Variants in MIER1 observed in about 807,000 individuals in gnomAD.
MIER1 encodes the protein MIER1 transcriptional regulator.
Under a neutral mutation model 75.7 loss-of-function variants are expected in MIER1, and 40 were observed. That is an observed-to-expected ratio of 0.53 (90% CI 0.41 to 0.69). The LOEUF (loss-of-function observed/expected upper bound fraction) is 0.69. MIER1 is among the 30% of genes least tolerant of loss of function. The pLI, the probability that MIER1 is intolerant of heterozygous loss-of-function variation, is 0.00. For synonymous variants in MIER1, 213 were observed against 223.4 expected (o/e 0.95, Z 0.42); for missense variants, 574 against 680.2 (o/e 0.84, Z 1.74).
At chr1:66,928,788 A>T in intron 2 of MIER1, 2 of 626,268 alleles carry the variant, frequency 3.2e-6, no homozygotes, top group Non-Finnish European at 5.3e-6. Context: ...TAAAAAATAA[A>T]ATGAAAATAC....
At chr1:66,982,835 G>A (rs191954232) in intron 13 of MIER1, among the ~76,000 whole-genome samples, 2 of 152,270 alleles carry the variant, frequency 1.3e-5, no homozygotes, top group Non-Finnish European at 1.5e-5. Flanking sequence ...ACAAAACTTA[G>A]GGCCCAGTAA....
At chr1:66,933,708 T>C (rs753330444) in intron 2 of MIER1, among the ~76,000 whole-genome samples, 31 of 152,204 alleles carry the variant, frequency 2.0e-4, no homozygotes, top group Admixed American at 5.2e-4. Flanking sequence ...TTCAGAGCTA[T>C]TAAGATTTTA....
chr1:66,925,196 C>G, intron 1 of MIER1, 101 bp downstream of exon 1: 3 of 1,454,412 alleles, frequency 2.1e-6, no homozygotes, highest in Non-Finnish European at 2.7e-6. Flanking sequence ...TCCCCTCCCC[C>G]ACGGCAGTGT....
intron 10 of MIER1, among the ~76,000 whole-genome samples, chr1:66,972,338 C>A (rs1004104217): frequency 2.7e-5 from 4 of 149,464 alleles, no homozygotes; most frequent in African/African-American, 9.9e-5. Context: ...TAACTATAAA[C>A]AAAGTCCCTT....
At chr1:66,943,770 C>T (rs1243041514) in intron 3 of MIER1, among the ~76,000 whole-genome samples, 1 of 152,132 alleles carries the variant, frequency 6.6e-6, no homozygotes, top group Non-Finnish European at 1.5e-5. Context: ...ATGTTAAGTG[C>T]TTTGCCATGT....
At chr1:66,941,496 T>C (rs1656207220) in intron 3 of MIER1, among the ~76,000 whole-genome samples, 3 of 152,186 alleles carry the variant, frequency 2.0e-5, no homozygotes, top group Admixed American at 2.0e-4. Flanking sequence ...TATAGTATTG[T>C]GATATTGCAA....
At chr1:66,976,519 T>C (rs950612983) in intron 11 of MIER1, 76 bp from the exon 12 acceptor site, 253 of 1,430,926 alleles carry the variant, frequency 1.8e-4, no homozygotes, top group Middle Eastern at 1.1e-3. Flanking sequence ...AAATTTATTT[T>C]CAAACTTCAG....
chr1:66,944,715 A>AT (rs540584086), intron 3 of MIER1, among the ~76,000 whole-genome samples: 7 of 151,060 alleles, frequency 4.6e-5, no homozygotes, highest in Non-Finnish European at 7.4e-5. Flanking sequence ...CAAATATTAG[A>AT]TTTTTTTTTA....
Position 66,987,968 on chromosome 1 carries a change from G to GTAT in MIER1, c.*3070_*3072dup, listed in dbSNP as rs1666995872. On this transcript the variant is annotated 3_prime_UTR_variant, in exon 14 of 14. Transcript: ENST00000401041. ...TATAATTTAAAAATAATGTGTTCCC[G>GTAT]TATTTTGTAGTGGAGTTCATATCAC... The GTAT allele has an allele frequency of 6.6e-6, 1 of 152,062 alleles. No homozygotes were observed. The highest frequency in any genetic ancestry group is 2.1e-4 in the South Asian group (1 of 4,836). The allele number at this position is 152,062 out of a possible 1,614,324, so 9.4% of individuals were successfully genotyped here. A position where few individuals can be genotyped will look rare whatever the true frequency, so the allele number is the denominator to read the frequency against.
intron 4 of MIER1, among the ~76,000 whole-genome samples, chr1:66,957,794 A>G: frequency 6.6e-6 from 1 of 152,250 alleles, no homozygotes; most frequent in East Asian, 1.9e-4. Flanking sequence ...AGAATAGTCC[A>G]TGTTAGACCA....
chr1:66,948,044 T>G (rs1333831241), intron 4 of MIER1: 1 of 976,046 alleles, frequency 1.0e-6, no homozygotes, highest in East Asian at 1.1e-4. Flanking sequence ...TTCAATGCTT[T>G]CTTTAGTGTT....
At chr1:66,927,179 A>G (rs1333275113) in intron 2 of MIER1, among the ~76,000 whole-genome samples, 1 of 152,182 alleles carries the variant, frequency 6.6e-6, no homozygotes, top group African/African-American at 2.4e-5. Flanking sequence ...TTGCTTACAA[A>G]TGATTTATCA....
intron 3 of MIER1, among the ~76,000 whole-genome samples, chr1:66,943,553 TGTTTCCTTTC>T (rs1656753172): frequency 6.6e-6 from 1 of 152,122 alleles, no homozygotes; most frequent in African/African-American, 2.4e-5. Flanking sequence ...CGTTTAGTTT[TGTTTCCTTTC>T]GTTTCCTTTC....
chr1:66,945,986 T>C (rs1248947624), intron 3 of MIER1, among the ~76,000 whole-genome samples, 164 bp from the exon 4 acceptor site: 1 of 152,270 alleles, frequency 6.6e-6, no homozygotes, highest in Admixed American at 6.5e-5. Context: ...TTTCCTTCCA[T>C]TTTTCTGTTG....
In MIER1 at chr1:66,986,688, G is replaced by T; in HGVS notation, c.*1788G>T. The T allele has an allele frequency of 2.1e-6, 1 of 484,248 alleles. No homozygotes were observed. Among genetic ancestry groups the T allele is most frequent in the South Asian group, 3.6e-5 (1 of 27,876 alleles). 30.0% of individuals were successfully genotyped at this position (484,248 alleles called of 1,614,324 possible). ...GACTTCATCTTAATGTACATTCACT[G>T]TTGTTACATACATATCTAAGTAAAT... On this transcript the variant is annotated 3_prime_UTR_variant, in exon 14 of 14. Coordinates refer to ENST00000401041, the MANE Select transcript of MIER1 (RefSeq NM_001077700.3).
intron 2 of MIER1, among the ~76,000 whole-genome samples, chr1:66,937,019 AAG>A (rs1316643715): frequency 9.4e-5 from 14 of 148,928 alleles, no homozygotes; most frequent in East Asian, 4.2e-4. Flanking sequence ...AAAAAAAAAA[AAG>A]AGAAAAAGAA....
intron 4 of MIER1, among the ~76,000 whole-genome samples, chr1:66,952,021 TATATC>T (rs1444249692): frequency 6.6e-6 from 1 of 152,234 alleles, no homozygotes; most frequent in African/African-American, 2.4e-5. Context: ...ACAAGAATAA[TATATC>T]TAAAGCGCTT....
At chr1:66,935,304 T>A (rs1422395800) in intron 2 of MIER1, among the ~76,000 whole-genome samples, 1 of 152,230 alleles carries the variant, frequency 6.6e-6, no homozygotes, top group Non-Finnish European at 1.5e-5. Context: ...ATCAACTAAA[T>A]CATACAAATA....
At chr1:66,969,062 T>C (rs1307685287) in intron 8 of MIER1, among the ~76,000 whole-genome samples, 6 of 152,194 alleles carry the variant, frequency 3.9e-5, no homozygotes, top group Admixed American at 3.3e-4. Flanking sequence ...GTAGTTTTAT[T>C]GTATTTATAA....
Sources: gnomAD v4.1 joint callset for allele counts (sites outside exome capture counted in the v4.1 genomes callset) on GRCh38, gnomAD v4.1.1 for gene constraint, MANE v1.5 for transcripts, NCBI Gene and HGNC (gene_info 2026-07-23, HGNC 2026-07-21) for gene names.